The following SAMD12 variants were observed in gnomAD, a reference collection of about 807,000 sequenced individuals.
SAMD12 encodes sterile alpha motif domain-containing protein 12.
A neutral mutation model predicts 15.0 loss-of-function variants in SAMD12; 9 were observed. The ratio of observed to expected loss-of-function variants is 0.60; its 90% CI spans 0.36 to 1.05. The LOEUF is 1.05. SAMD12 is among the 50% of genes least tolerant of loss of function. The probability of loss-of-function intolerance (pLI) is 0.01; values close to 1 mark genes in which losing one functional copy is unlikely to be tolerated. For missense variants in SAMD12, 230 were observed against 234.2 expected (o/e 0.98, Z 0.12); for synonymous variants, 86 against 90.1 (o/e 0.96, Z 0.25).
At chr8:118,461,074 C>A (rs968888647) in intron 2 of SAMD12, among the ~76,000 whole-genome samples, 1 of 152,206 alleles carries the variant, frequency 6.6e-6, no homozygotes, top group Non-Finnish European at 1.5e-5. Flanking sequence ...TTAAATATAA[C>A]CTCTATTAGA....
At chr8:118,448,786 G>A (rs1372465955) in intron 2 of SAMD12, among the ~76,000 whole-genome samples, 3 of 152,222 alleles carry the variant, frequency 2.0e-5, no homozygotes, top group Admixed American at 1.3e-4. Flanking sequence ...GCAGACCTGG[G>A]TTGAAGGCTC....
At chr8:118,342,571 G>A (rs1053801084) in intron 4 of SAMD12, among the ~76,000 whole-genome samples, 8 of 152,116 alleles carry the variant, frequency 5.3e-5, no homozygotes, top group Admixed American at 1.3e-4. Context: ...ACTTGACTGA[G>A]AACTAGAAAT....
chr8:118,368,592 G>A (rs1818920944), intron 4 of SAMD12, among the ~76,000 whole-genome samples: 1 of 152,152 alleles, frequency 6.6e-6, no homozygotes, highest in African/African-American at 2.4e-5. Context: ...GGAGATCCTA[G>A]GTAATGTTGC....
intron 4 of SAMD12, among the ~76,000 whole-genome samples, chr8:118,249,806 A>G (rs1020766580): frequency 2.6e-5 from 4 of 152,156 alleles, no homozygotes; most frequent in Admixed American, 6.6e-5. Flanking sequence ...GATGCAATGT[A>G]AACTGTAAAT....
intron 4 of SAMD12, among the ~76,000 whole-genome samples, chr8:118,278,907 G>A (rs1563727380): frequency 6.6e-6 from 1 of 152,116 alleles, no homozygotes; most frequent in Admixed American, 6.5e-5. Context: ...TGTCATACTC[G>A]AGGTGATAAA....
chr8:118,206,616 ATT>A (rs1819869746), intron 4 of SAMD12, among the ~76,000 whole-genome samples: 1 of 152,202 alleles, frequency 6.6e-6, no homozygotes, highest in African/African-American at 2.4e-5. Flanking sequence ...AATTACACAT[ATT>A]GTTACATAGA....
At chr8:118,551,439 C>T (rs1453508980) in intron 2 of SAMD12, among the ~76,000 whole-genome samples, 18 of 151,468 alleles carry the variant, frequency 1.2e-4, no homozygotes, top group African/African-American at 2.2e-4. Context: ...GGGTACATAA[C>T]GAAATGAAGG....
At chr8:118,224,026 A>G (rs1812136012) in intron 4 of SAMD12, among the ~76,000 whole-genome samples, 1 of 152,252 alleles carries the variant, frequency 6.6e-6, no homozygotes. Context: ...ATCCATGAAT[A>G]GAACAGAAAA....
chr8:118,407,751 C>A (rs1013235663), intron 3 of SAMD12, among the ~76,000 whole-genome samples: 20 of 152,140 alleles, frequency 1.3e-4, no homozygotes, highest in South Asian at 2.1e-4. Context: ...AAAAGACATC[C>A]TTTCCCTTTG....
chr8:118,216,070 C>T (rs1811952823), intron 4 of SAMD12, among the ~76,000 whole-genome samples: 1 of 151,800 alleles, frequency 6.6e-6, no homozygotes, highest in African/African-American at 2.4e-5. Flanking sequence ...AACTAGTTTA[C>T]AGTCCCACCA....
chr8:118,379,655 C>T lies in SAMD12; in HGVS notation c.368G>A (p.Gly123Glu). The change falls in exon 4 of 4, where the codon GGG becomes GAG. Residue 123 changes from glycine to glutamate, a missense_variant. Coordinates refer to ENST00000314727, the MANE Select transcript of SAMD12 (RefSeq NM_207506.3). ...CTGCCGGAGGTTCTCCTGGGCAATC[C>T]CCATTCGCTCGAGCTTTTTGTCAGT... ...RLTDKKLERMGIAQENLRQHI... is the reference protein window; with the variant it reads ...RLTDKKLERMEIAQENLRQHI... 1 of 1,613,848 alleles carries T rather than the reference C, an allele frequency of 6.2e-7. No homozygotes were observed. Among genetic ancestry groups the T allele is most frequent in the Non-Finnish European group, 8.5e-7 (1 of 1,179,824 alleles).
intron 2 of SAMD12, among the ~76,000 whole-genome samples, chr8:118,447,585 G>A (rs537105304): frequency 2.6e-5 from 4 of 151,988 alleles, no homozygotes; most frequent in Non-Finnish European, 5.9e-5. Flanking sequence ...TTACAGGCGT[G>A]AGCCACCGTG....
rs535447768 is a variant in SAMD12 at position 118,334,831 on chromosome 8, C to A, written c.433+44729G>T. Among the ~76,000 whole-genome samples, 120 of 152,256 alleles carry A rather than the reference C, an allele frequency of 7.9e-4. 4 individuals are homozygous for A. The South Asian group carries it at 0.023, about 30-fold the overall frequency. Reference sequence around the variant, plus strand: ...AGGTTGGTCTCGAACTGGTCTCAAGCCATCCTCCTGCCTCTGCATCTCAAA... The same window carrying A: ...AGGTTGGTCTCGAACTGGTCTCAAGACATCCTCCTGCCTCTGCATCTCAAA... On this transcript the variant is annotated intron_variant, in intron 4 of 4. Coordinates refer to the SAMD12 transcript ENST00000409003.
Position 118,359,243 on chromosome 8 carries a change from G to T in SAMD12, c.433+20317C>A, listed in dbSNP as rs1433714174. Among the ~76,000 whole-genome samples, 3 of 152,166 alleles carry T rather than the reference G, an allele frequency of 2.0e-5. No individual in the cohort carries two copies. The South Asian group carries it at 6.2e-4, about 32-fold the overall frequency. On this transcript the variant is annotated intron_variant, in intron 4 of 4. Transcript: ENST00000409003. The stretch of plus-strand genomic sequence containing the variant: ...ATGACTTGGGTCTAACACAGAGAGT[G>T]ACAACCATGTGAAGACACAGGGTTA...
chr8:118,498,374 C>T (rs1164884505), intron 2 of SAMD12, among the ~76,000 whole-genome samples: 1 of 152,150 alleles, frequency 6.6e-6, no homozygotes, highest in East Asian at 1.9e-4. Context: ...AGTTAATATA[C>T]ACGAATATAT....
Position 118,378,049 on chromosome 8 carries a change from T to C in SAMD12, c.*1368A>G, listed in dbSNP as rs1191262093. 2.0e-5 allele frequency: 3 copies of C among 152,222 alleles called. No individual in the cohort carries two copies. Among genetic ancestry groups the C allele is most frequent in the Admixed American group, 6.5e-5 (1 of 15,278 alleles). 9.4% of individuals were successfully genotyped at this position (152,222 alleles called of 1,614,324 possible). A position where few individuals can be genotyped will look rare whatever the true frequency, so the allele number is the denominator to read the frequency against. ...GCATATTTACTTGCAGTCCTTTTTT[T>C]CTGTACATATAAGAATATATGGTTT... On this transcript the variant is annotated 3_prime_UTR_variant, in exon 4 of 4. Coordinates refer to ENST00000314727, the MANE Select transcript of SAMD12 (RefSeq NM_207506.3).
At chr8:118,411,635 A>G (rs570675562) in intron 3 of SAMD12, among the ~76,000 whole-genome samples, 1 of 152,194 alleles carries the variant, frequency 6.6e-6, no homozygotes, top group East Asian at 1.9e-4. Context: ...ATTTTTATGC[A>G]TGTTTCTTTG....
intron 2 of SAMD12, among the ~76,000 whole-genome samples, chr8:118,469,242 G>A (rs1279026268): frequency 6.6e-6 from 1 of 151,300 alleles, no homozygotes; most frequent in African/African-American, 2.4e-5. Context: ...ACAAAATGCT[G>A]CAGAGTGGCT....
At chr8:118,418,773 C>T (rs1361328245) in intron 3 of SAMD12, among the ~76,000 whole-genome samples, 1 of 151,350 alleles carries the variant, frequency 6.6e-6, no homozygotes, top group Admixed American at 6.6e-5. Flanking sequence ...GAAGAAAGGA[C>T]AAGGATAGTT....
Sources: gnomAD v4.1 joint callset for allele counts (sites outside exome capture counted in the v4.1 genomes callset) on GRCh38, gnomAD v4.1.1 for gene constraint, MANE v1.5 for transcripts, NCBI Gene and HGNC (gene_info 2026-07-23, HGNC 2026-07-21) for gene names.